Variants in SIPA1L2 observed in about 807,000 individuals in gnomAD.
The protein encoded by SIPA1L2 is signal induced proliferation associated 1 like 2.
In SIPA1L2, 56 loss-of-function variants were observed where a neutral mutation model predicts 163.9. That is an observed-to-expected ratio of 0.34 (90% CI 0.28 to 0.43). The LOEUF (loss-of-function observed/expected upper bound fraction) is 0.43, where lower values mean the gene tolerates loss of function less well. SIPA1L2 is among the 20% of genes least tolerant of loss of function. SIPA1L2 has a pLI of 1.00. For missense variants in SIPA1L2, 1,974 were observed against 2,193.5 expected (o/e 0.90, Z 2.00); for synonymous variants, 877 against 865.7 (o/e 1.01, Z -0.23).
intron 4 of SIPA1L2, among the ~76,000 whole-genome samples, chr1:232,491,603 T>TTTGTCTCA (rs1400184185): frequency 6.6e-6 from 1 of 152,094 alleles, no homozygotes; most frequent in Non-Finnish European, 1.5e-5. Context: ...GCCACTAAAT[T>TTTGTCTCA]TTGTCTCATG....
intron 1 of SIPA1L2, among the ~76,000 whole-genome samples, chr1:232,616,598 T>C (rs1365432984): frequency 2.0e-5 from 3 of 152,160 alleles, no homozygotes; most frequent in African/African-American, 7.2e-5. Context: ...ACGTGTCAGG[T>C]GGAGGAGAGC....
chr1:232,564,349 CT>C (rs1659277446), intron 2 of SIPA1L2, among the ~76,000 whole-genome samples: 1 of 149,622 alleles, frequency 6.7e-6, no homozygotes, highest in African/African-American at 2.5e-5. Flanking sequence ...GCTGCAACTT[CT>C]TACAGGCATC....
intron 1 of SIPA1L2, among the ~76,000 whole-genome samples, chr1:232,595,413 C>T (rs532703349): frequency 6.6e-6 from 1 of 152,280 alleles, no homozygotes; most frequent in African/African-American, 2.4e-5. Context: ...TAGCAAAGGG[C>T]GGCCAGAGGT....
At chr1:232,409,772 G>A (rs1414368768) in intron 19 of SIPA1L2, among the ~76,000 whole-genome samples, 9 of 152,138 alleles carry the variant, frequency 5.9e-5, no homozygotes, top group African/African-American at 1.9e-4. Flanking sequence ...AGTGACCCCA[G>A]CTAAGATCAC....
chr1:232,480,042 C>A (rs1185345456), intron 6 of SIPA1L2, among the ~76,000 whole-genome samples: 1 of 152,110 alleles, frequency 6.6e-6, no homozygotes, highest in Non-Finnish European at 1.5e-5. Context: ...GTTTTTGCCA[C>A]CAAGTGCACA....
chr1:232,515,014 C>T lies in SIPA1L2; in HGVS notation c.326G>A (p.Ser109Asn). Residue 109 changes from serine to asparagine, a missense_variant, in exon 3 of 23, where the codon AGC (serine) becomes AAC (asparagine). By Grantham distance (46) the Ser-to-Asn change is conservative. Around this residue, in one of 3 missense-constraint regions of SIPA1L2, gnomAD observed 607 missense variants for 624.0 expected, o/e 0.97. Transcript: ENST00000674635. The stretch of plus-strand genomic sequence containing the variant: ...CCCATTCTGCAGGACAGAAGTGATG[C>T]TTTCATAACTGGTCTGAGACCGGCT... ...WESRSQTSYE[S>N]ITSVLQNGQS... 6.2e-7 allele frequency: 1 copy of T among 1,614,156 alleles called. No individual in the cohort carries two copies. The highest frequency in any genetic ancestry group is 1.1e-5 in the South Asian group (1 of 91,088).
At chr1:232,589,402 T>G (rs771441410) in intron 1 of SIPA1L2, among the ~76,000 whole-genome samples, 1 of 152,250 alleles carries the variant, frequency 6.6e-6, no homozygotes, top group Non-Finnish European at 1.5e-5. Context: ...TAACATTCAC[T>G]ACATTGTCTT....
At chr1:232,583,713 A>C (rs915541056) in intron 1 of SIPA1L2, among the ~76,000 whole-genome samples, 5 of 152,238 alleles carry the variant, frequency 3.3e-5, no homozygotes, top group Admixed American at 6.5e-5. Flanking sequence ...AAGCAACTGT[A>C]ATAAACTAAG....
chr1:232,415,996 C>T (rs1235630905), intron 18 of SIPA1L2: 1 of 233,068 alleles, frequency 4.3e-6, no homozygotes, highest in Non-Finnish European at 7.7e-6. Flanking sequence ...CAGAGTCAGT[C>T]AGAACACGGG....
chr1:232,490,792 G>A, intron 5 of SIPA1L2, 82 bp downstream of exon 5: 1 of 1,314,702 alleles, frequency 7.6e-7, no homozygotes, highest in Non-Finnish European at 1.0e-6. Flanking sequence ...GATCTTACAA[G>A]AAAGATGGAT....
At chr1:232,605,513 G>A (rs989800945) in intron 1 of SIPA1L2, among the ~76,000 whole-genome samples, 6 of 152,136 alleles carry the variant, frequency 3.9e-5, no homozygotes, top group Non-Finnish European at 7.4e-5. Context: ...TGGCCAACAC[G>A]GTGAAACTCT....
chr1:232,556,445 A>G (rs1441465823), intron 2 of SIPA1L2, among the ~76,000 whole-genome samples: 1 of 152,202 alleles, frequency 6.6e-6, no homozygotes, highest in Admixed American at 6.5e-5. Flanking sequence ...AGTTTAACAC[A>G]CCAGCTGATA....
chr1:232,516,845 A>G (rs1466635630), intron 2 of SIPA1L2, among the ~76,000 whole-genome samples: 1 of 152,212 alleles, frequency 6.6e-6, no homozygotes, highest in African/African-American at 2.4e-5. Flanking sequence ...AAAACTAGCT[A>G]TATTATAGCT....
chr1:232,560,809 C>A (rs754977144), intron 2 of SIPA1L2, among the ~76,000 whole-genome samples: 2 of 152,076 alleles, frequency 1.3e-5, no homozygotes, highest in Non-Finnish European at 2.9e-5. Flanking sequence ...TGGAAAAACG[C>A]CAAGATGTAA....
chr1:232,538,527 T>G (rs1657449044), intron 2 of SIPA1L2, among the ~76,000 whole-genome samples: 1 of 152,118 alleles, frequency 6.6e-6, no homozygotes, highest in Non-Finnish European at 1.5e-5. Context: ...CAACACCACT[T>G]TCCATTAAAA....
At position 232,460,113 on chromosome 1, in the gene SIPA1L2, C is replaced by A. The variant is rs115724961; in HGVS notation, c.3095+774G>T. On this transcript the variant is annotated intron_variant, in intron 10 of 22. Transcript: ENST00000674635. ...GGGAAGGTGCTCTAGATACTACCACCAGTCATGCATTAACACAAGTAGTGG... is the reference window on the plus strand; with the variant it reads ...GGGAAGGTGCTCTAGATACTACCACAAGTCATGCATTAACACAAGTAGTGG... Among the ~76,000 whole-genome samples the A allele has an allele frequency of 3.7e-3, 570 of 152,300 alleles. 1 individual carries two copies. Among genetic ancestry groups the A allele is most frequent in the African/African-American group, 0.013 (552 of 41,560 alleles).
rs140868197 is a variant in SIPA1L2, at chr1:232,445,531, C to T, written c.3351G>A (p.Thr1117=). The part of the protein sequence containing the change: ...TSFDRKLPDG[T]RSSPSNQSSS... ...TGAGGAAACGGAACCAGCATTACCTCGTGCCATCGGGCAGCTTCCGGTCGA... is the reference window on the plus strand; with the variant it reads ...TGAGGAAACGGAACCAGCATTACCTTGTGCCATCGGGCAGCTTCCGGTCGA... The change falls in exon 11 of 23, where the codon ACG becomes ACA. Residue 1117 remains threonine (T), a splice_region_variant and synonymous_variant. Coordinates refer to ENST00000674635, the MANE Select transcript of SIPA1L2 (RefSeq NM_020808.5). 52 of 1,613,668 alleles carry T rather than the reference C, an allele frequency of 3.2e-5. No individual in the cohort carries two copies. In the East Asian group the frequency reaches 4.0e-4, roughly 12 times the overall value.
intron 2 of SIPA1L2, among the ~76,000 whole-genome samples, chr1:232,557,110 C>T (rs1444707382): frequency 1.3e-5 from 2 of 152,204 alleles, no homozygotes; most frequent in African/African-American, 4.8e-5. Flanking sequence ...GAGGCTGACA[C>T]TGCACAGCGC....
intron 2 of SIPA1L2, among the ~76,000 whole-genome samples, chr1:232,540,156 T>A (rs1287989863): frequency 6.6e-6 from 1 of 151,946 alleles, no homozygotes; most frequent in Non-Finnish European, 1.5e-5. Context: ...ATACAAAATT[T>A]AGCCGGGCGT....
Sources: gnomAD v4.1 joint callset for allele counts (sites outside exome capture counted in the v4.1 genomes callset) on GRCh38, gnomAD v4.1.1 for gene constraint, gnomAD v4.1.1 regional missense constraint, MANE v1.5 for transcripts, NCBI Gene and HGNC (gene_info 2026-07-23, HGNC 2026-07-21) for gene names.